Variants in SCHIP1 observed in about 807,000 individuals in gnomAD.
SCHIP1 encodes the protein schwannomin-interacting protein 1.
A neutral mutation model predicts 29.7 loss-of-function variants in SCHIP1; 8 were observed. The ratio of observed to expected loss-of-function variants is 0.27; its 90% CI spans 0.16 to 0.49. SCHIP1 has a LOEUF of 0.49. Ranked by LOEUF, SCHIP1 falls within the 20% of genes least tolerant of loss-of-function variation. SCHIP1 has a pLI of 0.99. For missense variants in SCHIP1, 193 were observed against 294.6 expected (o/e 0.66, Z 2.52); for synonymous variants, 76 against 94.9 (o/e 0.80, Z 1.16).
At chr3:159,576,140 ATGTT>A in the SCHIP1 span, among the ~76,000 whole-genome samples, 1 of 152,196 alleles carries the variant, frequency 6.6e-6, no homozygotes, top group Non-Finnish European at 1.5e-5. Context: ...GAAATGATAA[ATGTT>A]TGAGGTGATG....
At chr3:159,661,776 G>A in the SCHIP1 span, among the ~76,000 whole-genome samples, 1 of 152,084 alleles carries the variant, frequency 6.6e-6, no homozygotes, top group Non-Finnish European at 1.5e-5. Flanking sequence ...TCCAAGGGAG[G>A]AAAAGGAGGC....
chr3:159,828,376 CATATATATATACATATAT>C, the SCHIP1 span, among the ~76,000 whole-genome samples: 14,343 of 75,702 alleles, frequency 0.19, 1,601 homozygotes, highest in East Asian at 0.37. Flanking sequence ...TATATATATA[CATATATATATACATATAT>C]ACGTATATAT....
the SCHIP1 span, among the ~76,000 whole-genome samples, chr3:159,500,304 T>C: frequency 1.3e-5 from 2 of 152,194 alleles, no homozygotes; most frequent in African/African-American, 2.4e-5. Context: ...AAATTGTTCT[T>C]ACCTGTGCCC....
the SCHIP1 span, among the ~76,000 whole-genome samples, chr3:159,356,213 AAAAAAAG>A: frequency 6.6e-6 from 1 of 152,210 alleles, no homozygotes; most frequent in Non-Finnish European, 1.5e-5. Context: ...TATAATAAAA[AAAAAAAG>A]AAAAAAGAAA....
the SCHIP1 span, among the ~76,000 whole-genome samples, chr3:159,729,841 A>G: frequency 6.6e-6 from 1 of 152,230 alleles, no homozygotes; most frequent in African/African-American, 2.4e-5. Flanking sequence ...TTTTAGCTGC[A>G]ATAGACTAGA....
At chr3:159,593,351 C>T in the SCHIP1 span, among the ~76,000 whole-genome samples, 3 of 152,078 alleles carry the variant, frequency 2.0e-5, no homozygotes, top group Admixed American at 1.3e-4. Context: ...ATGGGTACCT[C>T]ATCCTAACCC....
the SCHIP1 span, among the ~76,000 whole-genome samples, chr3:159,415,530 A>G: frequency 9.9e-5 from 15 of 152,200 alleles, no homozygotes; most frequent in African/African-American, 3.1e-4. Flanking sequence ...ATTCCCTTCT[A>G]TAAGTGAGAA....
At chr3:159,483,140 G>T in the SCHIP1 span, among the ~76,000 whole-genome samples, 5 of 152,280 alleles carry the variant, frequency 3.3e-5, no homozygotes, top group South Asian at 1.0e-3. Flanking sequence ...TGTTTTGGGA[G>T]ATTTTTTTTC....
chr3:159,672,656 C>T, the SCHIP1 span, among the ~76,000 whole-genome samples: 6 of 152,224 alleles, frequency 3.9e-5, 1 homozygote, highest in African/African-American at 1.4e-4. Context: ...CACAGGACAG[C>T]CCCTCACCTC....
chr3:159,398,293 G>A, the SCHIP1 span, among the ~76,000 whole-genome samples: 34,846 of 151,888 alleles, frequency 0.23, 4,262 homozygotes, highest in African/African-American at 0.3. Flanking sequence ...CTTCTGCGTC[G>A]CTCATGCTGG....
At chr3:159,739,785 A>AT in the SCHIP1 span, among the ~76,000 whole-genome samples, 1 of 152,182 alleles carries the variant, frequency 6.6e-6, no homozygotes, top group African/African-American at 2.4e-5. Flanking sequence ...ACAATATGTG[A>AT]TTTTTTTCTC....
chr3:159,740,828 TATTA>T, the SCHIP1 span, among the ~76,000 whole-genome samples: 15 of 147,946 alleles, frequency 1.0e-4, no homozygotes, highest in East Asian at 2.4e-3. Context: ...CTATCTTAGC[TATTA>T]ATTAGGTATG....
At chr3:159,278,163 C>T in the SCHIP1 span, among the ~76,000 whole-genome samples, 1 of 152,146 alleles carries the variant, frequency 6.6e-6, no homozygotes. Flanking sequence ...GCAATAATTT[C>T]TTCATTCAAC....
At chr3:159,887,331 C>T (rs1270195779) in intron 3 of SCHIP1, 1 of 191,128 alleles carries the variant, frequency 5.2e-6, no homozygotes, top group East Asian at 1.2e-4. Context: ...TGCAGTGCGA[C>T]ATCAGAACAT....
chr3:159,413,771 T>C, the SCHIP1 span, among the ~76,000 whole-genome samples: 44 of 152,238 alleles, frequency 2.9e-4, no homozygotes, highest in African/African-American at 6.5e-4. Context: ...ACTGTCACTT[T>C]CTTCAGGTTG....
intron 1 of SCHIP1, among the ~76,000 whole-genome samples, chr3:159,852,565 G>A (rs1251517788): frequency 6.6e-6 from 1 of 152,132 alleles, no homozygotes; most frequent in Non-Finnish European, 1.5e-5. Flanking sequence ...TGTAAAGAGA[G>A]CAGCAGAAAA....
At chr3:159,568,039 G>T in the SCHIP1 span, among the ~76,000 whole-genome samples, 1 of 151,962 alleles carries the variant, frequency 6.6e-6, no homozygotes, top group African/African-American at 2.4e-5. Flanking sequence ...TTATTTCTAG[G>T]AGCCATTTTT....
chr3:159,759,824 A>G, the SCHIP1 span, among the ~76,000 whole-genome samples: 2 of 152,246 alleles, frequency 1.3e-5, no homozygotes, highest in East Asian at 1.9e-4. Flanking sequence ...CATCGGGGCT[A>G]ATAATATAAG....
chr3:159,760,997 A>G, the SCHIP1 span, among the ~76,000 whole-genome samples: 1 of 152,268 alleles, frequency 6.6e-6, no homozygotes, highest in Non-Finnish European at 1.5e-5. Context: ...GGGCAGGTAC[A>G]GAGAATCAGG....
Sources: allele counts gnomAD v4.1 joint callset (sites outside exome capture counted in the v4.1 genomes callset), GRCh38; gene constraint gnomAD v4.1.1; transcripts MANE v1.5; gene names NCBI Gene and HGNC (gene_info 2026-07-23, HGNC 2026-07-21).